The following CNTNAP5 variants were observed in gnomAD, a reference collection of about 807,000 sequenced individuals.
The protein encoded by CNTNAP5 is contactin-associated protein-like 5.
CNTNAP5 carries 72 observed loss-of-function variants against 150.2 expected under a neutral mutation model. That is an observed-to-expected ratio of 0.48 (90% CI 0.40 to 0.58). The LOEUF (loss-of-function observed/expected upper bound fraction) is 0.58, where lower values mean the gene tolerates loss of function less well. Ranked by LOEUF, CNTNAP5 falls within the 20% of genes least tolerant of loss-of-function variation. The pLI is 0.00. For missense variants in CNTNAP5, 1,636 were observed against 1,626.2 expected, an observed-to-expected ratio of 1.01 and a Z score of -0.10; for synonymous variants, 672 against 619.8, an observed-to-expected ratio of 1.08 and a Z score of -1.25.
rs1207767938 is a variant in CNTNAP5, at chr2:124,919,308, AT to A, written c.*5024del. Among the ~76,000 whole-genome samples the A allele has an allele frequency of 2.0e-5, 3 of 152,028 alleles. No homozygotes were observed. Among genetic ancestry groups the A allele is most frequent in the Non-Finnish European group, 4.4e-5 (3 of 67,990 alleles). On this transcript the variant is annotated 3_prime_UTR_variant, in exon 24 of 24. Transcript: ENST00000682447. Reference sequence around the variant, plus strand: ...ACCGGTTTGCTATTTTTCAGTGATTATTTTATCTTATTTTGCACTAAGGTAC... The same window carrying A: ...ACCGGTTTGCTATTTTTCAGTGATTATTTATCTTATTTTGCACTAAGGTAC...
At chr2:124,150,891 C>T (rs1684389992) in intron 1 of CNTNAP5, among the ~76,000 whole-genome samples, 1 of 152,154 alleles carries the variant, frequency 6.6e-6, no homozygotes, top group Admixed American at 6.5e-5. Context: ...TACTCAGCCC[C>T]CTGTCCCTTC....
chr2:124,576,077 T>G (rs1696275871), intron 11 of CNTNAP5, among the ~76,000 whole-genome samples: 1 of 152,200 alleles, frequency 6.6e-6, no homozygotes, highest in South Asian at 2.1e-4. Context: ...ATTCTTCACT[T>G]GGCATAGCTG....
chr2:124,202,833 C>T (rs1197330585), intron 1 of CNTNAP5, among the ~76,000 whole-genome samples: 2 of 152,092 alleles, frequency 1.3e-5, no homozygotes, highest in Non-Finnish European at 2.9e-5. Flanking sequence ...CCACTGGGTC[C>T]CTCCTATAAC....
intron 1 of CNTNAP5, among the ~76,000 whole-genome samples, chr2:124,211,995 G>C (rs1371518246): frequency 6.6e-6 from 1 of 152,262 alleles, no homozygotes; most frequent in East Asian, 1.9e-4. Flanking sequence ...TCAAAAAAGA[G>C]TAGATATCTA....
intron 16 of CNTNAP5, among the ~76,000 whole-genome samples, chr2:124,766,143 C>T (rs565632765): frequency 4.5e-4 from 69 of 152,050 alleles, no homozygotes; most frequent in African/African-American, 1.4e-3. Flanking sequence ...TTTTGGTTCT[C>T]TGCATGCAGC....
At chr2:124,129,927 T>C (rs1359284886) in intron 1 of CNTNAP5, among the ~76,000 whole-genome samples, 2 of 152,118 alleles carry the variant, frequency 1.3e-5, no homozygotes, top group African/African-American at 4.8e-5. Context: ...CTGTCCCTAA[T>C]CCTGAAAGCA....
chr2:124,473,303 CTAAA>C (rs746619878), intron 6 of CNTNAP5, among the ~76,000 whole-genome samples: 17 of 151,704 alleles, frequency 1.1e-4, no homozygotes, highest in South Asian at 2.1e-4. Flanking sequence ...TCTTCTCTAA[CTAAA>C]TGTTTTAATG....
intron 21 of CNTNAP5, 81 bp from the exon 22 acceptor site, chr2:124,902,801 A>T: frequency 2.3e-6 from 2 of 886,956 alleles, no homozygotes; most frequent in Non-Finnish European, 3.4e-6. Flanking sequence ...GTAATTTTAG[A>T]TACTACTCAA....
intron 3 of CNTNAP5, among the ~76,000 whole-genome samples, chr2:124,282,724 T>C (rs1170587): frequency 0.64 from 97,522 of 151,820 alleles, 31,810 homozygotes; most frequent in South Asian, 0.85. Context: ...AAATGAGCCT[T>C]CAAAAATGGT....
rs116499295 is a variant in CNTNAP5, at chr2:124,501,750, C to A, written c.1063-2542C>A. 3.2e-3 allele frequency among the ~76,000 whole-genome samples: 494 copies of A among 152,326 alleles called. 2 individuals carry two copies. Among genetic ancestry groups the A allele is most frequent in the African/African-American group, 0.011 (467 of 41,566 alleles). On this transcript the variant is annotated intron_variant, in intron 7 of 23. Transcript: ENST00000682447. ...AGCAGTAAGCACAGCTGAGACAGGA[C>A]TGTCAGAATAGTGGCACACAGCAGC... is the stretch of plus-strand genomic sequence containing the variant.
rs146389812 is a variant in CNTNAP5, at chr2:124,517,004, C to T, written c.1328-7299C>T. On this transcript the variant is annotated intron_variant, in intron 8 of 23. Transcript: ENST00000682447. Reference sequence around the variant, plus strand: ...CCACCAAACTCACCTTTTAGCCCACCCATCCTCCACATGGTGAAAAAATGT... The same window carrying T: ...CCACCAAACTCACCTTTTAGCCCACTCATCCTCCACATGGTGAAAAAATGT... 1.8e-3 allele frequency among the ~76,000 whole-genome samples: 281 copies of T among 152,278 alleles called. 3 individuals are homozygous for T. The highest frequency in any genetic ancestry group is 4.8e-3 in the African/African-American group (201 of 41,554).
chr2:124,066,100 G>C (rs1018634961), intron 1 of CNTNAP5, among the ~76,000 whole-genome samples: 1 of 152,146 alleles, frequency 6.6e-6, no homozygotes, highest in African/African-American at 2.4e-5. Flanking sequence ...CCACTTAGCT[G>C]ACACTGGGTA....
intron 8 of CNTNAP5, among the ~76,000 whole-genome samples, chr2:124,505,202 G>T (rs897123014): frequency 4.6e-5 from 7 of 152,024 alleles, no homozygotes; most frequent in African/African-American, 1.7e-4. Flanking sequence ...TATAAACATG[G>T]CATGTTTCAT....
At chr2:124,117,958 A>C (rs1156240323) in intron 1 of CNTNAP5, among the ~76,000 whole-genome samples, 1 of 152,142 alleles carries the variant, frequency 6.6e-6, no homozygotes, top group East Asian at 1.9e-4. Flanking sequence ...TGGTGGCATG[A>C]ACCTGTAGTC....
chr2:124,260,137 C>T (rs949344126), intron 3 of CNTNAP5, among the ~76,000 whole-genome samples: 6 of 152,088 alleles, frequency 3.9e-5, no homozygotes, highest in Non-Finnish European at 8.8e-5. Context: ...GCTACAGTAA[C>T]CAAAACAGCA....
At position 124,058,945 on chromosome 2, in the gene CNTNAP5, C is replaced by T. The variant is rs949747610; in HGVS notation, c.82+33213C>T. ...GCCATGTGCCTATTCCCCTGGTACT[C>T]TTTAAAGTAAGCTATTGTATCACCA... On this transcript the variant is annotated intron_variant, in intron 1 of 23. Coordinates refer to ENST00000682447, the MANE Select transcript of CNTNAP5 (RefSeq NM_001367498.1). 5.9e-5 allele frequency among the ~76,000 whole-genome samples: 9 copies of T among 152,270 alleles called. No homozygotes were observed. The East Asian group carries it at 7.7e-4, about 13-fold the overall frequency.
chr2:124,287,785 A>G (rs1231744176), intron 3 of CNTNAP5, among the ~76,000 whole-genome samples: 1 of 152,198 alleles, frequency 6.6e-6, no homozygotes, highest in East Asian at 1.9e-4. Flanking sequence ...TAGGTTAAAG[A>G]AACACTAATG....
At chr2:124,379,003 AT>A (rs1207602083) in intron 3 of CNTNAP5, among the ~76,000 whole-genome samples, 1 of 151,902 alleles carries the variant, frequency 6.6e-6, no homozygotes, top group South Asian at 2.1e-4. Flanking sequence ...TTTTCTAATT[AT>A]TTTTTAGAGC....
At chr2:124,396,311 A>G (rs565087526) in intron 3 of CNTNAP5, among the ~76,000 whole-genome samples, 1 of 152,196 alleles carries the variant, frequency 6.6e-6, no homozygotes, top group Non-Finnish European at 1.5e-5. Context: ...GCAAGGTACA[A>G]ATACGTTTAT....
Sources: gnomAD v4.1 joint callset for allele counts (sites outside exome capture counted in the v4.1 genomes callset) on GRCh38, gnomAD v4.1.1 for gene constraint, MANE v1.5 for transcripts, NCBI Gene and HGNC (gene_info 2026-07-23, HGNC 2026-07-21) for gene names.